Variants in RRAS2 observed in about 807,000 individuals in gnomAD.
The protein encoded by RRAS2 is RAS related 2.
A neutral mutation model predicts 27.6 loss-of-function variants in RRAS2; 7 were observed. The observed-to-expected ratio is 0.25, with a 90% CI of 0.14 to 0.48. RRAS2 has a LOEUF of 0.48. RRAS2 is among the 20% of genes least tolerant of loss of function. RRAS2 has a pLI of 0.99. For synonymous variants in RRAS2, 86 were observed against 90.9 expected, an observed-to-expected ratio of 0.95 and a Z score of 0.31; for missense variants, 178 against 256.2, an observed-to-expected ratio of 0.69 and a Z score of 2.08.
chr11:14,358,915 C>T lies in RRAS2; in HGVS notation c.-45G>A. The T allele has an allele frequency of 2.3e-6, 3 of 1,308,048 alleles. No homozygotes were observed. The highest frequency in any genetic ancestry group is 3.7e-5 in the South Asian group (2 of 54,538). The allele number at this position is 1,308,048 out of a possible 1,614,324, so 81.0% of individuals were successfully genotyped here. A position where few individuals can be genotyped will look rare whatever the true frequency, so the allele number is the denominator to read the frequency against. ...GCCTGACTGCGCCGAGCCGCCGCTG[C>T]CGCCCGCCCTAGGCCCGGCTCCGGG... On this transcript the variant is annotated 5_prime_UTR_variant, in exon 1 of 6. Coordinates refer to ENST00000256196, the MANE Select transcript of RRAS2 (RefSeq NM_012250.6). This position sits in a 1 kb window ranked among gnomAD's most constrained non-coding sequence, Gnocchi z 5.1.
Position 14,286,227 on chromosome 11 carries a change from T to C in RRAS2, c.409-4507A>G, listed in dbSNP as rs566539160. Among the ~76,000 whole-genome samples the C allele has an allele frequency of 3.9e-4, 60 of 152,360 alleles. No individual in the cohort carries two copies. The Middle Eastern group carries it at 0.017, about 43-fold the overall frequency. On this transcript the variant is annotated intron_variant, in intron 4 of 5. Transcript: ENST00000256196. Reference sequence around the variant, plus strand: ...CTATTAATTATTTGTTTCCTTATTGTGGGTCATATTTTCTTGCTTCTTTAT... The same window carrying C: ...CTATTAATTATTTGTTTCCTTATTGCGGGTCATATTTTCTTGCTTCTTTAT...
chr11:14,328,214 A>C (rs1203876801), intron 1 of RRAS2, among the ~76,000 whole-genome samples: 2 of 152,004 alleles, frequency 1.3e-5, no homozygotes, highest in Non-Finnish European at 2.9e-5. Context: ...TAAAAATACA[A>C]AATTAGCCAG....
intron 1 of RRAS2, among the ~76,000 whole-genome samples, chr11:14,357,781 A>G (rs1315034435): frequency 3.3e-5 from 5 of 152,232 alleles, no homozygotes; most frequent in African/African-American, 1.2e-4. Flanking sequence ...GTTTCCTGTT[A>G]TAACAGGGTA....
At chr11:14,280,592 G>A (rs1849499345) in intron 5 of RRAS2, among the ~76,000 whole-genome samples, 1 of 151,720 alleles carries the variant, frequency 6.6e-6, no homozygotes, top group Non-Finnish European at 1.5e-5. Flanking sequence ...TGGATGTGGT[G>A]GCAGGCGCCT....
chr11:14,316,495 T>C (rs1187022060), intron 1 of RRAS2, among the ~76,000 whole-genome samples: 11 of 152,188 alleles, frequency 7.2e-5, no homozygotes, highest in African/African-American at 2.4e-4. Flanking sequence ...ATCCCAGAAC[T>C]TGGGGAGGTT....
rs1554943985 is a variant in RRAS2 at position 14,279,440 on chromosome 11, T to C, written c.528-16A>G. On this transcript the variant is annotated splice_polypyrimidine_tract_variant and intron_variant, in intron 5 of 5. Transcript: ENST00000256196. The stretch of plus-strand genomic sequence containing the variant: ...TTGAAATTTCCTGTAAGATAAAAAA[T>C]TCTAAAATATAATTGCCTTCTTGGT... 2 of 1,568,560 alleles carry C rather than the reference T, an allele frequency of 1.3e-6. No homozygotes were observed. Among genetic ancestry groups the C allele is most frequent in the Non-Finnish European group, 1.8e-6 (2 of 1,139,008 alleles).
intron 1 of RRAS2, among the ~76,000 whole-genome samples, chr11:14,349,821 T>C (rs2134034838): frequency 6.6e-6 from 1 of 152,344 alleles, no homozygotes; most frequent in South Asian, 2.1e-4. Context: ...TCAGTGTAGT[T>C]AAGTTACTCA....
intron 1 of RRAS2, among the ~76,000 whole-genome samples, chr11:14,338,530 T>C (rs534710936): frequency 6.6e-6 from 1 of 152,342 alleles, no homozygotes; most frequent in African/African-American, 2.4e-5. Context: ...AAAGTTTGTG[T>C]ACTTTGTTTC....
chr11:14,324,256 A>G (rs557109862), intron 1 of RRAS2, among the ~76,000 whole-genome samples: 1 of 152,070 alleles, frequency 6.6e-6, no homozygotes, highest in African/African-American at 2.4e-5. Flanking sequence ...TGTCGAAAAA[A>G]TAAACAGCAA....
intron 4 of RRAS2, among the ~76,000 whole-genome samples, chr11:14,292,276 C>A (rs1166904153): frequency 2.0e-5 from 3 of 150,988 alleles, no homozygotes; most frequent in Non-Finnish European, 4.4e-5. Flanking sequence ...ACTGCCTACC[C>A]TACAGGAGAT....
intron 1 of RRAS2, among the ~76,000 whole-genome samples, chr11:14,340,712 A>G (rs1848687788): frequency 6.6e-6 from 1 of 152,198 alleles, no homozygotes; most frequent in South Asian, 2.1e-4. Flanking sequence ...CCCAATTTAC[A>G]CCATGAGTTA....
At chr11:14,364,340 C>T (rs922588326) in intron 1 of RRAS2, 4 of 1,527,144 alleles carry the variant, frequency 2.6e-6, no homozygotes, top group Non-Finnish European at 3.5e-6. Context: ...AGAGCCAAGA[C>T]CTGTTGGCCA....
At chr11:14,340,285 G>A (rs1400961381) in intron 1 of RRAS2, among the ~76,000 whole-genome samples, 1 of 151,758 alleles carries the variant, frequency 6.6e-6, no homozygotes, top group Admixed American at 6.6e-5. Flanking sequence ...TTTTTAAGCA[G>A]AAATGGGGTT....
At chr11:14,320,244 A>G (rs1848195830) in intron 1 of RRAS2, among the ~76,000 whole-genome samples, 2 of 152,198 alleles carry the variant, frequency 1.3e-5, no homozygotes, top group Non-Finnish European at 2.9e-5. Context: ...AGTGAAACAT[A>G]CAAGCAACTA....
intron 1 of RRAS2, among the ~76,000 whole-genome samples, chr11:14,307,685 T>A (rs1213967808): frequency 2.0e-5 from 3 of 151,970 alleles, no homozygotes; most frequent in African/African-American, 7.3e-5. Flanking sequence ...ACATAGCACA[T>A]AGCCTGCGAC....
intron 1 of RRAS2, among the ~76,000 whole-genome samples, chr11:14,323,184 C>T (rs1554950527): frequency 6.6e-6 from 1 of 152,154 alleles, no homozygotes; most frequent in Non-Finnish European, 1.5e-5. Flanking sequence ...CAGTGGCTCA[C>T]ACCTGTAATG....
At chr11:14,307,685 T>G (rs1213967808) in intron 1 of RRAS2, among the ~76,000 whole-genome samples, 1 of 151,970 alleles carries the variant, frequency 6.6e-6, no homozygotes, top group Admixed American at 6.6e-5. Flanking sequence ...ACATAGCACA[T>G]AGCCTGCGAC....
chr11:14,339,267 C>T (rs1255228902), intron 1 of RRAS2, among the ~76,000 whole-genome samples: 1 of 106,478 alleles, frequency 9.4e-6, no homozygotes, highest in South Asian at 3.0e-4. Flanking sequence ...CACAATGAGA[C>T]TGTCTCTACC....
intron 1 of RRAS2, chr11:14,308,322 A>G (rs1847878726): frequency 2.3e-6 from 1 of 442,274 alleles, no homozygotes; most frequent in South Asian, 1.6e-5. Flanking sequence ...AAAGACCTAG[A>G]CAGATTAAAC....
Sources: gnomAD v4.1 joint callset for allele counts (sites outside exome capture counted in the v4.1 genomes callset) on GRCh38, gnomAD v4.1.1 for gene constraint, Gnocchi (gnomAD v3.1) non-coding constraint, MANE v1.5 for transcripts, NCBI Gene and HGNC (gene_info 2026-07-23, HGNC 2026-07-21) for gene names.